The following SLC7A9 variants were observed in gnomAD, a reference collection of about 807,000 sequenced individuals.
The protein encoded by SLC7A9 is solute carrier family 7 member 9.
SLC7A9 carries 38 observed loss-of-function variants against 54.1 expected under a neutral mutation model. That is an observed-to-expected ratio of 0.70 (90% CI 0.54 to 0.92). The LOEUF (loss-of-function observed/expected upper bound fraction) is 0.92, where lower values mean the gene tolerates loss of function less well. Among genes scored for constraint, SLC7A9 ranks in the 40% least tolerant of loss-of-function variants. The pLI, the probability that SLC7A9 is intolerant of heterozygous loss-of-function variation, is 0.00. For missense variants in SLC7A9, 537 were observed against 636.1 expected (o/e 0.84, Z 1.68); for synonymous variants, 264 against 258.9 (o/e 1.02, Z -0.19).
At chr19:32,849,677 T>G in intron 9 of SLC7A9, among the ~76,000 whole-genome samples, 1 of 148,660 alleles carries the variant, frequency 6.7e-6, no homozygotes, top group African/African-American at 2.5e-5. Flanking sequence ...CCTAACTCAT[T>G]TTATGAGGCC....
Position 32,858,531 on chromosome 19 carries a change from G to A in SLC7A9, c.886C>T (p.Arg296Cys), listed in dbSNP as rs375820400. The change falls in exon 9 of 13, where the codon CGT (arginine) becomes TGT (cysteine). Residue 296 changes from arginine (R) to cysteine (C), a missense_variant. Physicochemically the swap from Arg to Cys is radical, Grantham distance 180. Coordinates refer to ENST00000023064, the MANE Select transcript of SLC7A9 (RefSeq NM_014270.5). ...SQAVAVTFGD[R>C]VLYPASWIVP... Reference sequence around the variant, plus strand: ...ATCCAAGAAGCAGGATAGAGAACACGGTCACCAAATGTCTGGTGAGAGAAG... The same window carrying A: ...ATCCAAGAAGCAGGATAGAGAACACAGTCACCAAATGTCTGGTGAGAGAAG... 8.1e-6 allele frequency: 13 copies of A among 1,612,064 alleles called. No homozygotes were observed. Among genetic ancestry groups the A allele is most frequent in the South Asian group, 7.7e-5 (7 of 91,026 alleles).
At chr19:32,832,689 G>A (rs535726071) in intron 12 of SLC7A9, 1 of 182,236 alleles carries the variant, frequency 5.5e-6, no homozygotes, top group East Asian at 1.5e-4. Context: ...AGGTGGAAGG[G>A]TCATTTGAGC....
At chr19:32,868,678 G>A in intron 1 of SLC7A9, 33 bp from the exon 2 acceptor site, 1 of 725,762 alleles carries the variant, frequency 1.4e-6, no homozygotes, top group Non-Finnish European at 2.5e-6. Flanking sequence ...ATTGCTGCAG[G>A]TGGGGGCCGC....
intron 11 of SLC7A9, among the ~76,000 whole-genome samples, chr19:32,838,441 A>G (rs1968026728): frequency 6.7e-6 from 1 of 148,938 alleles, no homozygotes; most frequent in Non-Finnish European, 1.5e-5. Context: ...TCTGTATAAT[A>G]TATGTGTATA....
chr19:32,838,109 G>C (rs1016049942), intron 11 of SLC7A9, among the ~76,000 whole-genome samples: 8 of 152,166 alleles, frequency 5.3e-5, no homozygotes, highest in Non-Finnish European at 8.8e-5. Context: ...CGGCCCTTCT[G>C]TTGGTACTTA....
intron 11 of SLC7A9, among the ~76,000 whole-genome samples, chr19:32,833,765 C>G (rs1337754063): frequency 1.3e-5 from 2 of 151,414 alleles, no homozygotes; most frequent in South Asian, 2.1e-4. Context: ...CCATTGCACT[C>G]TAGCCTGGGC....
intron 9 of SLC7A9, among the ~76,000 whole-genome samples, chr19:32,847,590 G>C (rs1473937730): frequency 6.6e-6 from 1 of 152,152 alleles, no homozygotes; most frequent in African/African-American, 2.4e-5. Flanking sequence ...GGGGAGAATG[G>C]AACCAAGTTG....
intron 2 of SLC7A9, among the ~76,000 whole-genome samples, chr19:32,865,176 G>A (rs143853697): frequency 1.3e-3 from 198 of 152,304 alleles, no homozygotes; most frequent in Middle Eastern, 3.4e-3. Flanking sequence ...AAAGGCCCTC[G>A]GGATACGCCT....
At chr19:32,832,794 A>C in intron 12 of SLC7A9, 3 of 305,290 alleles carry the variant, frequency 9.8e-6, no homozygotes, top group Non-Finnish European at 1.9e-5. Flanking sequence ...CTGTGGTCCC[A>C]GCTACTTGGG....
At chr19:32,832,991 G>A (rs1380319276) in intron 12 of SLC7A9, 158 bp downstream of exon 12, 9 of 758,168 alleles carry the variant, frequency 1.2e-5, no homozygotes, top group African/African-American at 1.7e-5. Flanking sequence ...TGGACCCAGA[G>A]GTGTACAGTG....
chr19:32,864,729 G>A lies in SLC7A9; in HGVS notation c.135C>T (p.Gly45=). ...ACTTGGGGGAAACGAAGATCCCAGA[G>A]CCAATGATGGTGCCCACGATGATGG... ...GISIIVGTII[G]SGIFVSPKSV... is the part of the protein sequence containing the mutation. Residue 45 remains glycine (G), a synonymous_variant, in exon 3 of 13, where the codon GGC becomes GGT. Coordinates refer to ENST00000023064, the MANE Select transcript of SLC7A9 (RefSeq NM_014270.5). 6.2e-7 allele frequency: 1 copy of A among 1,614,206 alleles called. No homozygotes were observed. The highest frequency in any genetic ancestry group is 1.7e-5 in the Admixed American group (1 of 60,026).
At chr19:32,849,375 A>G (rs1968396787) in intron 9 of SLC7A9, among the ~76,000 whole-genome samples, 6 of 152,012 alleles carry the variant, frequency 3.9e-5, no homozygotes, top group Admixed American at 3.9e-4. Context: ...CAGAAATACA[A>G]ACTACCATCA....
At position 32,842,248 on chromosome 19, in the gene SLC7A9, C is replaced by T. The variant is rs774878350; in HGVS notation, c.1144G>A (p.Ala382Thr). 2.9e-5 allele frequency: 46 copies of T among 1,613,770 alleles called. No homozygotes were observed. The highest frequency in any genetic ancestry group is 3.5e-5 in the Non-Finnish European group (41 of 1,179,840). Reference sequence around the variant, plus strand: ...ATCGTCAGGCCATAAAACAGCCATGCGGCAAAGCTGAAATAATTGACTAAC... The same window carrying T: ...ATCGTCAGGCCATAAAACAGCCATGTGGCAAAGCTGAAATAATTGACTAAC... The part of the protein sequence containing the change: ...NSLVNYFSFA[A>T]WLFYGLTILG... The change falls in exon 11 of 13, where the codon GCA becomes ACA. Residue 382 changes from alanine (A) to threonine (T), a missense_variant. Physicochemically the swap from Ala to Thr is moderately conservative, Grantham distance 58. Transcript: ENST00000023064.
rs756187653 is a variant in SLC7A9, at chr19:32,868,540, C to A, written c.-6G>T. The A allele has an allele frequency of 6.2e-7, 1 of 1,613,528 alleles. No homozygotes were observed. The highest frequency in any genetic ancestry group is 8.5e-7 in the Non-Finnish European group (1 of 1,179,462). Reference sequence around the variant, plus strand: ...CTCAGGCCAGTATCCCCCATGTTTCCTCCTGCTGGTTCCAGGAGACTGCAA... The same window carrying A: ...CTCAGGCCAGTATCCCCCATGTTTCATCCTGCTGGTTCCAGGAGACTGCAA... On this transcript the variant is annotated 5_prime_UTR_variant, in exon 2 of 13. It adds an upstream start codon to the 5' untranslated region. Coordinates refer to ENST00000023064, the MANE Select transcript of SLC7A9 (RefSeq NM_014270.5).
chr19:32,859,033 C>T (rs1362927847), intron 8 of SLC7A9, among the ~76,000 whole-genome samples: 3 of 151,946 alleles, frequency 2.0e-5, no homozygotes, highest in Non-Finnish European at 2.9e-5. Context: ...GCGATCCACC[C>T]ATCTCGGCCT....
chr19:32,838,960 T>TA (rs1187178323), intron 11 of SLC7A9, among the ~76,000 whole-genome samples: 5 of 152,062 alleles, frequency 3.3e-5, no homozygotes, highest in Non-Finnish European at 5.9e-5. Flanking sequence ...CTTCTTTTTT[T>TA]AGACATTGTG....
At chr19:32,853,980 A>G (rs1968544801) in intron 9 of SLC7A9, among the ~76,000 whole-genome samples, 1 of 151,650 alleles carries the variant, frequency 6.6e-6, no homozygotes, top group South Asian at 2.1e-4. Context: ...AAAGACCTAA[A>G]TAGTCCACCC....
intron 11 of SLC7A9, 98 bp from the exon 12 acceptor site, chr19:32,833,421 C>CCCCT: frequency 1.0e-6 from 1 of 985,536 alleles, no homozygotes. Flanking sequence ...CTCCATGTAC[C>CCCCT]CCCTCCTCCA....
chr19:32,856,613 G>A (rs541463032), intron 9 of SLC7A9, among the ~76,000 whole-genome samples: 1 of 151,548 alleles, frequency 6.6e-6, no homozygotes, highest in African/African-American at 2.4e-5. Context: ...AATTATTGTT[G>A]TTATTTTTTA....
Sources: allele counts gnomAD v4.1 joint callset (sites outside exome capture counted in the v4.1 genomes callset), GRCh38; gene constraint gnomAD v4.1.1; transcripts MANE v1.5; gene names NCBI Gene and HGNC (gene_info 2026-07-23, HGNC 2026-07-21).